Variants in PPP1R3A observed in about 807,000 individuals in gnomAD.
The protein encoded by PPP1R3A is RG1.
Under a neutral mutation model 41.7 loss-of-function variants are expected in PPP1R3A, and 29 were observed. That is an observed-to-expected ratio of 0.70 (90% CI 0.52 to 0.95). The LOEUF is 0.95. Ranked by LOEUF, PPP1R3A falls within the 40% of genes least tolerant of loss-of-function variation. The pLI is 0.00. For synonymous variants in PPP1R3A, 485 were observed against 453.4 expected, an observed-to-expected ratio of 1.07 and a Z score of -0.89; for missense variants, 1,352 against 1,292.4, an observed-to-expected ratio of 1.05 and a Z score of -0.71.
intron 1 of PPP1R3A, among the ~76,000 whole-genome samples, chr7:113,886,199 T>A (rs1030053184): frequency 2.0e-5 from 3 of 152,070 alleles, no homozygotes; most frequent in African/African-American, 7.2e-5. Flanking sequence ...GGCGGTGATA[T>A]GGTTTGGCTG....
chr7:113,887,264 A>G (rs28402281), intron 1 of PPP1R3A, among the ~76,000 whole-genome samples: 10,720 of 152,104 alleles, frequency 0.07, 557 homozygotes, highest in African/African-American at 0.15. Flanking sequence ...AATTTTAGAA[A>G]TTAAAAAGTA....
rs139938401 is a variant in PPP1R3A, at chr7:113,917,729, C to T, written c.782+486G>A. Among the ~76,000 whole-genome samples the T allele has an allele frequency of 2.0e-3, 309 of 152,060 alleles. 1 individual carries two copies. In the Middle Eastern group the frequency reaches 0.024, roughly 12 times the overall value. On this transcript the variant is annotated intron_variant, in intron 1 of 3. Transcript: ENST00000284601. ...TATCACTTCAAACATCCCTGTATAA[C>T]TCAAAACAGTTATGAAGAAGTTCTT...
chr7:113,882,023 C>A lies in PPP1R3A; in HGVS notation c.966+16G>T. The A allele has an allele frequency of 6.2e-7, 1 of 1,611,746 alleles. No homozygotes were observed. On this transcript the variant is annotated intron_variant, in intron 3 of 3. Coordinates refer to ENST00000284601, the MANE Select transcript of PPP1R3A (RefSeq NM_002711.4). ...GGATTCATCTTCTCTAATACCGTGG[C>A]AACCAGAACACTTACCATCAACTCT...
At chr7:113,888,395 AAGAAAG>A (rs1454698021) in intron 1 of PPP1R3A, among the ~76,000 whole-genome samples, 1 of 152,152 alleles carries the variant, frequency 6.6e-6, no homozygotes, top group Non-Finnish European at 1.5e-5. Flanking sequence ...ACTATTAATG[AAGAAAG>A]AGAAAAAGAA....
In PPP1R3A at chr7:113,879,504, G is replaced by T. The variant is rs370842610; in HGVS notation, c.1588C>A (p.Gln530Lys). The T allele has an allele frequency of 2.5e-6, 4 of 1,613,000 alleles. No individual in the cohort carries two copies. The highest frequency in any genetic ancestry group is 3.4e-6 in the Non-Finnish European group (4 of 1,179,484). Residue 530 changes from glutamine to lysine, a missense_variant, in exon 4 of 4, where the codon CAA (glutamine) becomes AAA (lysine). By Grantham distance (53) the Gln-to-Lys change is moderately conservative. Coordinates refer to ENST00000284601, the MANE Select transcript of PPP1R3A (RefSeq NM_002711.4). ...AAGATTGTTTGGAAATTTTTTCTTT[G>T]TTTTTCATTAACACCTAAATATATT... ...QRIYLGVNEK[Q>K]RKNFQTILHD...
At chr7:113,881,010 C>T (rs1796684118) in intron 3 of PPP1R3A, among the ~76,000 whole-genome samples, 1 of 151,994 alleles carries the variant, frequency 6.6e-6, no homozygotes, top group South Asian at 2.1e-4. Context: ...TATATTTGAG[C>T]CTGCTCATCG....
rs536136358 is a variant in PPP1R3A, at chr7:113,879,485, G to T, written c.1607C>A (p.Thr536Lys). 1.9e-6 allele frequency: 3 copies of T among 1,613,160 alleles called. No homozygotes were observed. Among genetic ancestry groups the T allele is most frequent in the Non-Finnish European group, 2.5e-6 (3 of 1,179,574 alleles). Residue 536 changes from threonine to lysine, a missense_variant, in exon 4 of 4, where the codon ACA (threonine) becomes AAA (lysine). By Grantham distance (78) the Thr-to-Lys change is moderately conservative. Transcript: ENST00000284601. The stretch of plus-strand genomic sequence containing the variant: ...CTTCCTTTCTTGGTCATGTAAGATT[G>T]TTTGGAAATTTTTTCTTTGTTTTTC... ...VNEKQRKNFQ[T>K]ILHDQERKMG...
intron 1 of PPP1R3A, among the ~76,000 whole-genome samples, chr7:113,904,727 T>C (rs1167184832): frequency 6.6e-6 from 1 of 151,718 alleles, no homozygotes; most frequent in African/African-American, 2.4e-5. Context: ...AGCAAAATTA[T>C]ACAAAGGGTT....
intron 1 of PPP1R3A, among the ~76,000 whole-genome samples, chr7:113,895,114 GTTT>G (rs1335381636): frequency 6.6e-6 from 1 of 151,928 alleles, no homozygotes; most frequent in East Asian, 1.9e-4. Context: ...AAGATGGGAT[GTTT>G]TCATGTGGTT....
intron 1 of PPP1R3A, among the ~76,000 whole-genome samples, chr7:113,890,635 C>G (rs936553595): frequency 5.3e-5 from 8 of 151,736 alleles, no homozygotes; most frequent in Admixed American, 1.3e-4. Context: ...CTCATATGCA[C>G]CCAGGAAAGA....
chr7:113,913,821 G>A (rs917677846), intron 1 of PPP1R3A, among the ~76,000 whole-genome samples: 1 of 152,010 alleles, frequency 6.6e-6, no homozygotes, highest in Non-Finnish European at 1.5e-5. Flanking sequence ...TTTATCTATG[G>A]CTTCTACTGT....
Position 113,918,470 on chromosome 7 carries a change from T to C in PPP1R3A, c.527A>G (p.Tyr176Cys). The C allele has an allele frequency of 6.2e-7, 1 of 1,613,318 alleles. No individual in the cohort carries two copies. The highest frequency in any genetic ancestry group is 8.5e-7 in the Non-Finnish European group (1 of 1,179,688). The change falls in exon 1 of 4, where the codon TAT becomes TGT. Residue 176 changes from tyrosine to cysteine, a missense_variant. Physicochemically the swap from Tyr to Cys is radical, Grantham distance 194. Transcript: ENST00000284601. Reference protein sequence around the residue: ...WQTHYDILAEYVPNSCDGETD... With the variant: ...WQTHYDILAECVPNSCDGETD... Reference sequence around the variant, plus strand: ...TTCACCATCACATGAATTAGGAACATATTCTGCTAAAATGTCATAATGTGT... The same window carrying C: ...TTCACCATCACATGAATTAGGAACACATTCTGCTAAAATGTCATAATGTGT...
rs776274085 is a variant in PPP1R3A at position 113,877,827 on chromosome 7, C to T, written c.3265G>A (p.Val1089Ile). The change falls in exon 4 of 4, where the codon GTC (valine) becomes ATC (isoleucine). Residue 1089 changes from valine (V) to isoleucine (I), a missense_variant. Val to Ile is a conservative substitution (Grantham distance 29). Coordinates refer to ENST00000284601, the MANE Select transcript of PPP1R3A (RefSeq NM_002711.4). ...CCAATCATTAAGTCATAATGGTAGA[C>T]AGTTATAAGAAATATCAGAAACAAA... ...FLLFLIFLIT[V>I]YHYDLMIGLT... 1 of 1,608,774 alleles carries T rather than the reference C, an allele frequency of 6.2e-7. No individual in the cohort carries two copies. The highest frequency in any genetic ancestry group is 1.7e-5 in the Admixed American group (1 of 59,748).
chr7:113,901,060 A>T (rs1356822146), intron 1 of PPP1R3A, among the ~76,000 whole-genome samples: 1 of 151,634 alleles, frequency 6.6e-6, no homozygotes, highest in Non-Finnish European at 1.5e-5. Flanking sequence ...GACCTGAAAC[A>T]TAGAATTTGA....
rs1483288791 is a variant in PPP1R3A, at chr7:113,879,743, G to T, written c.1349C>A (p.Thr450Lys). The change falls in exon 4 of 4, where the codon ACA (threonine) becomes AAA (lysine). Residue 450 changes from threonine (T) to lysine (K), a missense_variant. By Grantham distance (78) the Thr-to-Lys change is moderately conservative. Coordinates refer to ENST00000284601, the MANE Select transcript of PPP1R3A (RefSeq NM_002711.4). The stretch of plus-strand genomic sequence containing the variant: ...TGAAGAGGGGCAAGGTATTTGCACT[G>T]TGCCATTGCCATGGGCTGGATTAGC... The part of the protein sequence containing the change: ...DNANPAHGNG[T>K]VQIPCPSSDQ... 8 of 1,613,158 alleles carry T rather than the reference G, an allele frequency of 5.0e-6. No individual in the cohort carries two copies. Among genetic ancestry groups the T allele is most frequent in the Non-Finnish European group, 5.9e-6 (7 of 1,179,650 alleles).
chr7:113,904,084 C>A (rs777634830), intron 1 of PPP1R3A, among the ~76,000 whole-genome samples: 17 of 151,614 alleles, frequency 1.1e-4, no homozygotes, highest in Non-Finnish European at 2.2e-4. Context: ...TTGGTAAATA[C>A]CATGTCGATA....
rs765275427 is a variant in PPP1R3A, at chr7:113,878,793, C to T, written c.2299G>A (p.Glu767Lys). Reference sequence around the variant, plus strand: ...GGATCAAACGCTGTTTCCTTTACCTCGATGGGCCTGTCACTTCGTGCTGTC... The same window carrying T: ...GGATCAAACGCTGTTTCCTTTACCTTGATGGGCCTGTCACTTCGTGCTGTC... ...QETARSDRPI[E>K]VKETAFDPHE... Residue 767 changes from glutamate (E) to lysine (K), a missense_variant, in exon 4 of 4, where the codon GAG becomes AAG. Transcript: ENST00000284601. The T allele has an allele frequency of 1.4e-5, 22 of 1,613,468 alleles. No individual in the cohort carries two copies. In the East Asian group the frequency reaches 1.6e-4, roughly 11 times the overall value.
chr7:113,906,089 A>G (rs1268277540), intron 1 of PPP1R3A, among the ~76,000 whole-genome samples: 1 of 151,836 alleles, frequency 6.6e-6, no homozygotes, highest in Admixed American at 6.6e-5. Flanking sequence ...CAATTAGAGT[A>G]TGCTGTAGCA....
At position 113,878,600 on chromosome 7, in the gene PPP1R3A, G is replaced by C. The variant is rs182337033; in HGVS notation, c.2492C>G (p.Thr831Arg). 3.1e-6 allele frequency: 5 copies of C among 1,613,460 alleles called. No homozygotes were observed. The Admixed American group carries it at 5.0e-5, about 16-fold the overall frequency. The change falls in exon 4 of 4, where the codon ACA (threonine) becomes AGA (arginine). Residue 831 changes from threonine to arginine, a missense_variant. Transcript: ENST00000284601. ...ETMSMYNPRK[T>R]HDREKCGTGN... ...AGTGCCACATTTCTCCCTGTCATGT[G>C]TCTTCCTAGGATTGTACATAGACAT...
Sources: allele counts gnomAD v4.1 joint callset (sites outside exome capture counted in the v4.1 genomes callset), GRCh38; gene constraint gnomAD v4.1.1; transcripts MANE v1.5; gene names NCBI Gene and HGNC (gene_info 2026-07-23, HGNC 2026-07-21).